HEXD: variants seen among roughly 807,000 people sequenced by gnomAD.
HEXD encodes hexosaminidase D, also known as N-acetyl-beta-galactosaminidase.
A neutral mutation model predicts 54.2 loss-of-function variants in HEXD; 47 were observed. That is an observed-to-expected ratio of 0.87 (90% CI 0.69 to 1.11). The LOEUF (loss-of-function observed/expected upper bound fraction) is 1.11. Among genes scored for constraint, HEXD ranks in the 50% least tolerant of loss-of-function variants. The pLI is 0.00. For missense variants in HEXD, 576 were observed against 649.2 expected, an observed-to-expected ratio of 0.89 and a Z score of 1.23; for synonymous variants, 293 against 287.6, an observed-to-expected ratio of 1.02 and a Z score of -0.19.
chr17:82,432,872 G>C (rs534366233), intron 4 of HEXD, among the ~76,000 whole-genome samples: 14 of 145,898 alleles, frequency 9.6e-5, no homozygotes, highest in South Asian at 2.2e-4. Context: ...GACCATCCTG[G>C]CTAACACGGT....
Position 82,435,677 on chromosome 17 carries a change from C to A in HEXD, c.448-12C>A. 1 of 1,604,992 alleles carries A rather than the reference C, an allele frequency of 6.2e-7. No individual in the cohort carries two copies. Among genetic ancestry groups the A allele is most frequent in the South Asian group, 1.1e-5 (1 of 90,724 alleles). On this transcript the variant is annotated splice_polypyrimidine_tract_variant and intron_variant, in intron 5 of 12. Coordinates refer to ENST00000327949, the MANE Select transcript of HEXD (RefSeq NM_001330542.2). ...GCTGCCAAGGCAACCCCGTCCTGCT[C>A]CTTCCTTGCAGGTCTATTACCTCGG...
chr17:82,433,128 A>ATTTTTTTTTTTTTT (rs758489285), intron 4 of HEXD, among the ~76,000 whole-genome samples: 1 of 13,072 alleles, frequency 7.6e-5, no homozygotes, highest in Non-Finnish European at 1.2e-4. Flanking sequence ...ATATATATAT[A>ATTTTTTTTTTTTTT]TTTTTTTTTT....
intron 12 of HEXD, 67 bp downstream of exon 12, chr17:82,441,956 A>G: frequency 2.7e-6 from 4 of 1,502,110 alleles, no homozygotes; most frequent in East Asian, 2.3e-5. Context: ...TGTTGCTGAC[A>G]TGTCCCTCAA....
rs771523424 is a variant in HEXD, at chr17:82,439,718, G to A, written c.982+5G>A. On this transcript the variant is annotated splice_donor_5th_base_variant and intron_variant, in intron 9 of 12. Transcript: ENST00000327949. ...GCCTGCAGTTGCTTCTACGCGGTAT[G>A]TCTGGTCTGGCCACCCCAAGCCCCA... 1.9e-6 allele frequency: 3 copies of A among 1,599,526 alleles called. No individual in the cohort carries two copies. Among genetic ancestry groups the A allele is most frequent in the Admixed American group, 3.3e-5 (2 of 59,968 alleles).
Position 82,435,874 on chromosome 17 carries a change from T to C in HEXD, c.631+2T>C. The C allele has an allele frequency of 6.2e-7, 1 of 1,602,164 alleles. No individual in the cohort carries two copies. The highest frequency in any genetic ancestry group is 2.2e-5 in the East Asian group (1 of 44,666). ...ACCTGCCTGAGGACCAGCTCGCAGG[T>C]CGGCCAACAGGGCTGGGGGAGGGGG... is the stretch of plus-strand genomic sequence containing the variant. On this transcript the variant is annotated splice_donor_variant, in intron 6 of 12. Coordinates refer to ENST00000327949, the MANE Select transcript of HEXD (RefSeq NM_001330542.2). LOFTEE classifies it high-confidence loss of function.
chr17:82,428,683 T>C (rs1190205916), intron 4 of HEXD, 38 bp downstream of exon 4: 12 of 1,559,936 alleles, frequency 7.7e-6, no homozygotes, highest in East Asian at 2.2e-5. Context: ...GTGCCAGGTG[T>C]GGGGTCCAGG....
At chr17:82,435,913 T>A (rs1192801483) in intron 6 of HEXD, 41 bp downstream of exon 6, 5 of 1,568,342 alleles carry the variant, frequency 3.2e-6, no homozygotes, top group Non-Finnish European at 4.3e-6. Flanking sequence ...GCCACTGAAC[T>A]GCCCAAGACC....
chr17:82,432,414 G>C (rs1426348731), intron 4 of HEXD, among the ~76,000 whole-genome samples: 1 of 152,092 alleles, frequency 6.6e-6, no homozygotes, highest in Non-Finnish European at 1.5e-5. Context: ...GCCCCCACAA[G>C]GGGTGGGTTT....
chr17:82,435,167 G>C (rs1483569179), intron 5 of HEXD, among the ~76,000 whole-genome samples: 1 of 152,148 alleles, frequency 6.6e-6, no homozygotes, highest in Non-Finnish European at 1.5e-5. Context: ...AAATAAATAA[G>C]TATAAACGTC....
Position 82,437,008 on chromosome 17 carries a change from G to C in HEXD, c.704-160G>C. ...TCTGGAGTCTCCCCGACTGGGACCC[G>C]GGCCGGCCGCATACACTCTGGAGTC... is the stretch of plus-strand genomic sequence containing the variant. On this transcript the variant is annotated intron_variant, in intron 7 of 12. Coordinates refer to ENST00000327949, the MANE Select transcript of HEXD (RefSeq NM_001330542.2). 4.2e-6 allele frequency: 3 copies of C among 718,028 alleles called. No individual in the cohort carries two copies. The South Asian group carries it at 5.2e-5, about 13-fold the overall frequency. 44.5% of individuals were successfully genotyped at this position (718,028 alleles called of 1,614,324 possible).
rs746729595 is a variant in HEXD, at chr17:82,433,774, C to G, written c.399C>G (p.Val133=). ...LALVGAMIDQ[V]LELHPGAQRL... is the part of the protein sequence containing the mutation. The stretch of plus-strand genomic sequence containing the variant: ...TGGTGGGCGCCATGATTGACCAGGT[C>G]CTGGAGCTACACCCAGGCGCCCAGC... Residue 133 remains valine, a synonymous_variant, in exon 5 of 13, where the codon GTC becomes GTG. Coordinates refer to ENST00000327949, the MANE Select transcript of HEXD (RefSeq NM_001330542.2). The G allele has an allele frequency of 6.2e-7, 1 of 1,613,196 alleles. No homozygotes were observed. The highest frequency in any genetic ancestry group is 8.5e-7 in the Non-Finnish European group (1 of 1,179,818).
intron 2 of HEXD, among the ~76,000 whole-genome samples, chr17:82,421,203 C>T (rs966524444): frequency 4.6e-5 from 7 of 151,950 alleles, no homozygotes; most frequent in African/African-American, 1.7e-4. Context: ...GCCGAGGCTG[C>T]AAGGCTGTCA....
At chr17:82,424,563 G>A (rs1330209955) in intron 3 of HEXD, 60 bp downstream of exon 3, 12 of 1,243,674 alleles carry the variant, frequency 9.6e-6, no homozygotes, top group African/African-American at 8.9e-5. Flanking sequence ...GGGGGGTTCC[G>A]CAGGGCAGGA....
intron 11 of HEXD, 103 bp from the exon 12 acceptor site, chr17:82,441,697 T>C (rs1261173358): frequency 4.4e-6 from 4 of 906,318 alleles, no homozygotes; most frequent in Non-Finnish European, 7.3e-6. Flanking sequence ...ACATAAGACT[T>C]AGAAATGTCA....
chr17:82,440,042 G>A (rs1156689832), intron 9 of HEXD: 1 of 1,317,006 alleles, frequency 7.6e-7, no homozygotes, highest in Non-Finnish European at 9.9e-7. Flanking sequence ...CTGCCCACCT[G>A]GCCGAGCAGG....
chr17:82,439,799 C>A (rs774683407), intron 9 of HEXD, 86 bp downstream of exon 9: 1 of 1,595,826 alleles, frequency 6.3e-7, no homozygotes, highest in South Asian at 1.1e-5. Context: ...AGTGCTCCAA[C>A]CACCCTGCTG....
At chr17:82,436,895 G>C in intron 7 of HEXD, 157 bp downstream of exon 7, 2 of 685,168 alleles carry the variant, frequency 2.9e-6, no homozygotes, top group Non-Finnish European at 2.4e-6. Flanking sequence ...TGGTGCCTCG[G>C]GACGGCCACC....
chr17:82,441,759 C>G (rs746412793), intron 11 of HEXD, 41 bp from the exon 12 acceptor site: 1 of 1,549,030 alleles, frequency 6.5e-7, no homozygotes, highest in Non-Finnish European at 8.9e-7. Flanking sequence ...CCACGGCTGC[C>G]TTGGTAGCCC....
rs2053121737 is a variant in HEXD at position 82,418,360 on chromosome 17, C to G, written c.-432C>G. On this transcript the variant is annotated 5_prime_UTR_variant, in exon 1 of 13. Transcript: ENST00000327949. ...CCCATCAGCCCCAGTCCCGCCCACT[C>G]CATGGCCCTGTCCGCCGCCGCAGCG... 2 of 1,275,786 alleles carry G rather than the reference C, an allele frequency of 1.6e-6. No individual in the cohort carries two copies. Among genetic ancestry groups the G allele is most frequent in the African/African-American group, 1.6e-5 (1 of 63,632 alleles). 79.0% of individuals were successfully genotyped at this position (1,275,786 alleles called of 1,614,324 possible). A position where few individuals can be genotyped will look rare whatever the true frequency, so the allele number is the denominator to read the frequency against.
Sources: allele counts gnomAD v4.1 joint callset (sites outside exome capture counted in the v4.1 genomes callset), GRCh38; gene constraint gnomAD v4.1.1; transcripts MANE v1.5; gene names NCBI Gene and HGNC (gene_info 2026-07-23, HGNC 2026-07-21).